CFAP97: variants seen among roughly 807,000 people sequenced by gnomAD.
The protein encoded by CFAP97 is cilia- and flagella-associated protein 97.
A neutral mutation model predicts 43.1 loss-of-function variants in CFAP97; 36 were observed. The observed-to-expected ratio is 0.84, with a 90% CI of 0.64 to 1.10. The LOEUF is 1.10. CFAP97 is among the 50% of genes least tolerant of loss of function. The pLI is 0.00. For synonymous variants in CFAP97, 228 were observed against 225.7 expected, an observed-to-expected ratio of 1.01 and a Z score of -0.09; for missense variants, 657 against 620.3, an observed-to-expected ratio of 1.06 and a Z score of -0.63.
intron 1 of CFAP97, among the ~76,000 whole-genome samples, chr4:185,200,998 G>A (rs185845659): frequency 7.2e-5 from 11 of 152,262 alleles, no homozygotes; most frequent in Non-Finnish European, 1.5e-4. Flanking sequence ...AGCAGCGGCA[G>A]GGTTTGAGAA....
chr4:185,197,931 T>C (rs1534141), intron 1 of CFAP97, among the ~76,000 whole-genome samples: 144,926 of 152,262 alleles, frequency 0.95, 69,022 homozygotes, highest in East Asian at 1. Context: ...GACTGCTACT[T>C]CAGCGAACAT....
rs1183638391 is a variant in CFAP97, at chr4:185,209,449, C to T, written c.-198G>A. On this transcript the variant is annotated 5_prime_UTR_variant, in exon 1 of 3. Transcript: ENST00000503223. This position sits in a 1 kb window ranked among gnomAD's most constrained non-coding sequence, Gnocchi z 5.2. ...TGTGCACCGCGCTGGGTCGCGCCCT[C>T]TCCCCGTGGGGCCCCGGCCCGGACC... The T allele has an allele frequency of 1.3e-5, 2 of 152,402 alleles. No individual in the cohort carries two copies. The highest frequency in any genetic ancestry group is 1.9e-4 in the East Asian group (1 of 5,182). The allele number at this position is 152,402 out of a possible 1,614,324, so 9.4% of individuals were successfully genotyped here.
rs1734892554 is a variant in CFAP97 at position 185,162,059 on chromosome 4, C to T, written c.*739G>A. The T allele has an allele frequency of 6.6e-6, 1 of 152,210 alleles. No individual in the cohort carries two copies. Among genetic ancestry groups the T allele is most frequent in the East Asian group, 1.9e-4 (1 of 5,200 alleles). The allele number at this position is 152,210 out of a possible 1,614,324, so 9.4% of individuals were successfully genotyped here. The stretch of plus-strand genomic sequence containing the variant: ...GTTAGAAGACTAGCTCTAAAACCTA[C>T]CTCATTTCTAAGAGTCATAAATAGG... On this transcript the variant is annotated 3_prime_UTR_variant, in exon 5 of 5. Transcript: ENST00000458385.
At chr4:185,189,828 C>T (rs76699352) in intron 2 of CFAP97, among the ~76,000 whole-genome samples, 7,220 of 152,276 alleles carry the variant, frequency 0.047, 246 homozygotes, top group Non-Finnish European at 0.076. Flanking sequence ...GTCCGTGTCT[C>T]TATCAAAAGT....
intron 2 of CFAP97, among the ~76,000 whole-genome samples, chr4:185,186,544 A>G (rs1256218974): frequency 6.6e-6 from 1 of 152,220 alleles, no homozygotes; most frequent in African/African-American, 2.4e-5. Context: ...TGCATATGGC[A>G]TATTTTCTAT....
chr4:185,191,947 A>G (rs778450655), intron 1 of CFAP97, among the ~76,000 whole-genome samples: 7 of 152,262 alleles, frequency 4.6e-5, no homozygotes, highest in Non-Finnish European at 8.8e-5. Flanking sequence ...TCCCTTGAGA[A>G]TAATAGTCAA....
chr4:185,208,948 T>A (rs1354937992), upstream of CFAP97, among the ~76,000 whole-genome samples: 1 of 152,178 alleles, frequency 6.6e-6, no homozygotes, highest in African/African-American at 2.4e-5. Context: ...TGGACCACGT[T>A]CCTTTGCGTG....
At chr4:185,208,539 C>G (rs1248272992), upstream of CFAP97, among the ~76,000 whole-genome samples, 1 of 151,828 alleles carries the variant, frequency 6.6e-6, no homozygotes, top group East Asian at 2.0e-4. Context: ...ACCATCCTGG[C>G]TAATATGGTG....
intron 3 of CFAP97, among the ~76,000 whole-genome samples, chr4:185,173,332 C>A (rs1367891939): frequency 6.8e-6 from 1 of 148,080 alleles, no homozygotes; most frequent in African/African-American, 2.5e-5. Flanking sequence ...CACTGCACTC[C>A]AGCCTGGTGA....
intron 2 of CFAP97, among the ~76,000 whole-genome samples, chr4:185,183,842 G>C (rs1735900548): frequency 1.3e-5 from 2 of 152,136 alleles, no homozygotes; most frequent in Non-Finnish European, 2.9e-5. Flanking sequence ...TCTTCTATCA[G>C]GGGTTCTTTA....
At chr4:185,181,633 C>T (rs901310409) in intron 2 of CFAP97, among the ~76,000 whole-genome samples, 7 of 152,080 alleles carry the variant, frequency 4.6e-5, no homozygotes, top group Non-Finnish European at 1.0e-4. Context: ...CCGGCATAGT[C>T]TTAGTGAAAA....
chr4:185,170,523 A>G (rs1052098766), intron 3 of CFAP97, among the ~76,000 whole-genome samples: 1 of 151,600 alleles, frequency 6.6e-6, no homozygotes, highest in Non-Finnish European at 1.5e-5. Context: ...CAGCCTCCTG[A>G]GTAGCTGGGA....
chr4:185,204,302 T>G (rs1456470164), upstream of CFAP97: 2 of 152,240 alleles, frequency 1.3e-5, no homozygotes, highest in Non-Finnish European at 2.9e-5. Flanking sequence ...TAGGGAAAGC[T>G]GCCTTGATTA....
At chr4:185,173,277 C>A (rs887281662) in intron 3 of CFAP97, among the ~76,000 whole-genome samples, 1 of 150,720 alleles carries the variant, frequency 6.6e-6, no homozygotes, top group Non-Finnish European at 1.5e-5. Flanking sequence ...GCAGGAGAAT[C>A]GCTTGAACCT....
intron 1 of CFAP97, among the ~76,000 whole-genome samples, chr4:185,197,191 C>A (rs3112879): frequency 1.0e-4 from 15 of 147,658 alleles, no homozygotes; most frequent in African/African-American, 3.8e-4. Context: ...ACTGAAATCA[C>A]AAAATTATTT....
chr4:185,180,646 C>T (rs1427650564), intron 2 of CFAP97, among the ~76,000 whole-genome samples: 1 of 151,952 alleles, frequency 6.6e-6, no homozygotes, highest in Admixed American at 6.6e-5. Context: ...CTGATAGTAT[C>T]TTCTGGTAAG....
intron 3 of CFAP97, among the ~76,000 whole-genome samples, chr4:185,164,713 T>TAGACAAGCTTG (rs1465430276): frequency 5.3e-5 from 8 of 152,232 alleles, no homozygotes; most frequent in Admixed American, 1.3e-4. Flanking sequence ...TAAGGTAGGT[T>TAGACAAGCTTG]AGACAAGCTT....
At chr4:185,198,423 A>G (rs1477666912) in intron 1 of CFAP97, among the ~76,000 whole-genome samples, 12 of 150,114 alleles carry the variant, frequency 8.0e-5, no homozygotes, top group Non-Finnish European at 1.3e-4. Context: ...AGCCTGGGTG[A>G]CAGAGTGAGA....
At chr4:185,198,085 G>T (rs918597429) in intron 1 of CFAP97, among the ~76,000 whole-genome samples, 1 of 152,168 alleles carries the variant, frequency 6.6e-6, no homozygotes, top group African/African-American at 2.4e-5. Flanking sequence ...TATGAAGGCC[G>T]AGAGAGGTAA....
Sources: gnomAD v4.1 joint callset for allele counts (sites outside exome capture counted in the v4.1 genomes callset) on GRCh38, gnomAD v4.1.1 for gene constraint, Gnocchi (gnomAD v3.1) non-coding constraint, MANE v1.5 for transcripts, NCBI Gene and HGNC (gene_info 2026-07-23, HGNC 2026-07-21) for gene names.